Variants in ARL6 observed in about 807,000 individuals in gnomAD.
The protein encoded by ARL6 is ARF like GTPase 6, also known as ADP-ribosylation factor-like protein 6.
In ARL6, 18 loss-of-function variants were observed where a neutral mutation model predicts 27.1. The observed-to-expected ratio is 0.66, with a 90% CI of 0.46 to 0.98. The LOEUF (loss-of-function observed/expected upper bound fraction) is 0.98. ARL6 is among the 50% of genes least tolerant of loss of function. The probability of loss-of-function intolerance (pLI) is 0.00; values close to 1 mark genes in which losing one functional copy is unlikely to be tolerated. For synonymous variants in ARL6, 65 were observed against 72.3 expected, an observed-to-expected ratio of 0.90 and a Z score of 0.51; for missense variants, 187 against 214.9, an observed-to-expected ratio of 0.87 and a Z score of 0.81.
chr3:97,785,030 T>C lies in ARL6; in HGVS notation c.330T>C (p.Asp110=). 1.2e-6 allele frequency: 2 copies of C among 1,612,366 alleles called. No homozygotes were observed. The highest frequency in any genetic ancestry group is 2.2e-5 in the South Asian group (2 of 91,042). ...TGGTTGTGGCCAAAGAAGAACTCGA[T>C]ACTCTTCTGAATCATCCAGGTATGT... ...LRMVVAKEEL[D]TLLNHPDIKH... The change falls in exon 5 of 8, where the codon GAT becomes GAC. Residue 110 remains aspartate (D), a synonymous_variant. Transcript: ENST00000463745.
intron 1 of ARL6, among the ~76,000 whole-genome samples, chr3:97,767,827 CAG>C (rs1362006034): frequency 6.6e-6 from 1 of 152,080 alleles, no homozygotes; most frequent in Admixed American, 6.5e-5. Flanking sequence ...TGATAAATTA[CAG>C]AGAGAAATGT....
At position 97,791,877 on chromosome 3, in the gene ARL6, T is replaced by C. The variant is rs372837466; in HGVS notation, c.535+51T>C. The C allele has an allele frequency of 1.0e-5, 15 of 1,493,880 alleles. No individual in the cohort carries two copies. In the Middle Eastern group the frequency reaches 5.2e-4, roughly 52 times the overall value. 92.5% of individuals were successfully genotyped at this position (1,493,880 alleles called of 1,614,324 possible). ...TCAGCCTTTGTTTCCTTTTTATTCATATTTTTATCTTTTTTTACATTTTAT... is the reference window on the plus strand; with the variant it reads ...TCAGCCTTTGTTTCCTTTTTATTCACATTTTTATCTTTTTTTACATTTTAT... On this transcript the variant is annotated intron_variant, in intron 7 of 7. Coordinates refer to ENST00000463745, the MANE Select transcript of ARL6 (RefSeq NM_001278293.3).
intron 4 of ARL6, among the ~76,000 whole-genome samples, chr3:97,782,825 TAAAA>T (rs530843518): frequency 6.9e-6 from 1 of 144,760 alleles, no homozygotes; most frequent in African/African-American, 2.5e-5. Flanking sequence ...ACCATAGTAG[TAAAA>T]AAAAAAAATC....
chr3:97,780,606 T>A lies in ARL6; in HGVS notation c.186-9T>A. 6.2e-7 allele frequency: 1 copy of A among 1,611,442 alleles called. No individual in the cohort carries two copies. Among genetic ancestry groups the A allele is most frequent in the Non-Finnish European group, 8.5e-7 (1 of 1,177,790 alleles). On this transcript the variant is annotated splice_polypyrimidine_tract_variant and intron_variant, in intron 3 of 7. Transcript: ENST00000463745. ...TTATAATGTAGTCATGTTTTGCTTC[T>A]TTTTGTAGTTTGTCATTTACAGTGT...
At chr3:97,780,382 T>A (rs1161150810) in intron 3 of ARL6, among the ~76,000 whole-genome samples, 162 bp downstream of exon 3, 1 of 152,210 alleles carries the variant, frequency 6.6e-6, no homozygotes, top group Non-Finnish European at 1.5e-5. Flanking sequence ...TTTTTCAGAA[T>A]TTAGAGTTTA....
chr3:97,783,079 A>T (rs115121515), intron 4 of ARL6, among the ~76,000 whole-genome samples: 3,207 of 151,170 alleles, frequency 0.021, 43 homozygotes, highest in Admixed American at 0.032. Context: ...ATTTTTACAT[A>T]CTATTTTTAC....
chr3:97,792,573 A>G (rs756934032), intron 7 of ARL6, among the ~76,000 whole-genome samples: 1 of 152,234 alleles, frequency 6.6e-6, no homozygotes, highest in African/African-American at 2.4e-5. Flanking sequence ...CATATTTAGT[A>G]TTAGAGATAC....
intron 2 of ARL6, among the ~76,000 whole-genome samples, chr3:97,770,159 G>A (rs1378035871): frequency 1.3e-5 from 2 of 151,966 alleles, no homozygotes; most frequent in African/African-American, 2.4e-5. Context: ...AACAATCTAC[G>A]AGAGTTCCCC....
At chr3:97,779,456 T>C (rs553904611) in intron 2 of ARL6, among the ~76,000 whole-genome samples, 1 of 152,248 alleles carries the variant, frequency 6.6e-6, no homozygotes, top group South Asian at 2.1e-4. Context: ...TTTGCACTTA[T>C]CTCTGCTCAA....
chr3:97,770,911 T>C (rs2036608550), intron 2 of ARL6, among the ~76,000 whole-genome samples: 1 of 152,172 alleles, frequency 6.6e-6, no homozygotes, highest in Non-Finnish European at 1.5e-5. Context: ...TATGCTGTTT[T>C]GGTTATCATG....
intron 2 of ARL6, among the ~76,000 whole-genome samples, chr3:97,777,541 T>A (rs1559677221): frequency 6.6e-6 from 1 of 152,212 alleles, no homozygotes; most frequent in Non-Finnish European, 1.5e-5. Context: ...TGTTAAATAG[T>A]ATTGTTATCT....
At chr3:97,788,675 A>C (rs9874909) in intron 6 of ARL6, among the ~76,000 whole-genome samples, 67,195 of 152,014 alleles carry the variant, frequency 0.44, 16,088 homozygotes, top group East Asian at 0.66. Flanking sequence ...TGTTAAAATG[A>C]ATAAATGGAA....
At position 97,785,002 on chromosome 3, in the gene ARL6, G is replaced by A. The variant is rs1434357322; in HGVS notation, c.302G>A (p.Arg101Lys). ...GTCATTGATAGTAGTGATAGATTAA[G>A]AATGGTTGTGGCCAAAGAAGAACTC... Reference protein sequence around the residue: ...IFVIDSSDRLRMVVAKEELDT... With the variant: ...IFVIDSSDRLKMVVAKEELDT... Residue 101 changes from arginine (R) to lysine (K), a missense_variant, in exon 5 of 8, where the codon AGA becomes AAA. By Grantham distance (26) the Arg-to-Lys change is conservative (BLOSUM62 2). Transcript: ENST00000463745. 5 of 1,613,076 alleles carry A rather than the reference G, an allele frequency of 3.1e-6. No homozygotes were observed. Among genetic ancestry groups the A allele is most frequent in the Non-Finnish European group, 4.2e-6 (5 of 1,179,360 alleles).
chr3:97,787,149 A>G (rs2037497122), intron 5 of ARL6, among the ~76,000 whole-genome samples: 1 of 152,168 alleles, frequency 6.6e-6, no homozygotes, highest in Non-Finnish European at 1.5e-5. Context: ...GATTGGTAAC[A>G]GGTATCTCAG....
At chr3:97,766,657 T>C (rs890818572) in intron 1 of ARL6, 1 of 152,248 alleles carries the variant, frequency 6.6e-6, no homozygotes, top group African/African-American at 2.4e-5. Flanking sequence ...AAGCCTGTTA[T>C]TGATAAAGTT....
rs1472293711 is a variant in ARL6 at position 97,785,027 on chromosome 3, C to T, written c.327C>T (p.Leu109=). 6.2e-6 allele frequency: 10 copies of T among 1,612,172 alleles called. No individual in the cohort carries two copies. The highest frequency in any genetic ancestry group is 4.5e-5 in the East Asian group (2 of 44,694). Residue 109 remains leucine, a synonymous_variant, in exon 5 of 8, where the codon CTC becomes CTT. Coordinates refer to ENST00000463745, the MANE Select transcript of ARL6 (RefSeq NM_001278293.3). ...RLRMVVAKEE[L]DTLLNHPDIK... The stretch of plus-strand genomic sequence containing the variant: ...GAATGGTTGTGGCCAAAGAAGAACT[C>T]GATACTCTTCTGAATCATCCAGGTA...
chr3:97,768,583 G>C (rs756742748), intron 2 of ARL6, among the ~76,000 whole-genome samples: 1 of 152,048 alleles, frequency 6.6e-6, no homozygotes, highest in Non-Finnish European at 1.5e-5. Flanking sequence ...GACAATTTTT[G>C]AAAGTATAGT....
chr3:97,772,213 G>A (rs1184206759), intron 2 of ARL6, among the ~76,000 whole-genome samples: 7 of 152,038 alleles, frequency 4.6e-5, no homozygotes, highest in South Asian at 2.1e-4. Context: ...CTCATTATTG[G>A]CCTGTTCAGG....
intron 2 of ARL6, among the ~76,000 whole-genome samples, chr3:97,776,212 T>G (rs2036892068): frequency 6.6e-6 from 1 of 152,236 alleles, no homozygotes; most frequent in African/African-American, 2.4e-5. Flanking sequence ...CTTTTTATAG[T>G]CTTTGACTTG....
Sources: gnomAD v4.1 joint callset for allele counts (sites outside exome capture counted in the v4.1 genomes callset) on GRCh38, gnomAD v4.1.1 for gene constraint, MANE v1.5 for transcripts, NCBI Gene and HGNC (gene_info 2026-07-23, HGNC 2026-07-21) for gene names.